Variants in PTPRD observed in about 807,000 individuals in gnomAD.
The protein encoded by PTPRD is receptor-type tyrosine-protein phosphatase delta.
PTPRD carries 34 observed loss-of-function variants against 214.5 expected under a neutral mutation model. The observed-to-expected ratio is 0.16, with a 90% CI of 0.12 to 0.21. The LOEUF (loss-of-function observed/expected upper bound fraction) is 0.21. Among genes scored for constraint, PTPRD ranks in the 10% least tolerant of loss-of-function variants. PTPRD has a pLI of 1.00. For synonymous variants in PTPRD, 1,128 were observed against 845.7 expected, an observed-to-expected ratio of 1.33 and a Z score of -5.79; for missense variants, 2,545 against 2,398.7, an observed-to-expected ratio of 1.06 and a Z score of -1.27.
chr9:10,259,381 G>A (rs1292551947), intron 3 of PTPRD, among the ~76,000 whole-genome samples: 2 of 152,092 alleles, frequency 1.3e-5, no homozygotes, highest in Non-Finnish European at 2.9e-5. Flanking sequence ...CCAATATGTG[G>A]TCATCATTTG....
At chr9:8,526,486 C>T (rs1258808961) in intron 17 of PTPRD, 141 bp downstream of exon 17, 1 of 518,168 alleles carries the variant, frequency 1.9e-6, no homozygotes, top group Non-Finnish European at 3.3e-6. Context: ...AGTCACTGAT[C>T]ATAACCAAAC....
chr9:8,486,752 C>T (rs190290239), intron 27 of PTPRD, among the ~76,000 whole-genome samples: 220 of 152,072 alleles, frequency 1.4e-3, no homozygotes, highest in African/African-American at 4.9e-3. Flanking sequence ...TGCAATGTAC[C>T]GGCGTCACGC....
intron 12 of PTPRD, among the ~76,000 whole-genome samples, chr9:8,671,677 G>C (rs2154363768): frequency 6.6e-6 from 1 of 152,190 alleles, no homozygotes; most frequent in East Asian, 1.9e-4. Flanking sequence ...CATTTAAAGA[G>C]GCATAGACCT....
chr9:10,223,459 G>C (rs1244333454), intron 3 of PTPRD, among the ~76,000 whole-genome samples: 1 of 151,854 alleles, frequency 6.6e-6, no homozygotes, highest in Non-Finnish European at 1.5e-5. Context: ...GAGGCCAGGA[G>C]TTAGGACCAG....
intron 3 of PTPRD, among the ~76,000 whole-genome samples, chr9:10,145,858 T>C (rs997300894): frequency 6.6e-6 from 1 of 151,998 alleles, no homozygotes; most frequent in Admixed American, 6.6e-5. Flanking sequence ...AATGGCAAAA[T>C]GAAAATTATT....
chr9:10,358,833 A>G (rs372826717), intron 2 of PTPRD, among the ~76,000 whole-genome samples: 3 of 152,136 alleles, frequency 2.0e-5, no homozygotes, highest in African/African-American at 7.2e-5. Flanking sequence ...AGCTTCACTA[A>G]GTAATGCATA....
Position 8,315,721 on chromosome 9 carries a change from A to G in PTPRD, c.*2153T>C. 1 of 228,558 alleles carries G rather than the reference A, an allele frequency of 4.4e-6. No individual in the cohort carries two copies. 14.2% of individuals were successfully genotyped at this position (228,558 alleles called of 1,614,324 possible). A position where few individuals can be genotyped will look rare whatever the true frequency, so the allele number is the denominator to read the frequency against. ...GCAAATGTTTGGTCTCTTGGATTTCACTCTGCTAGCAATGGGAAAATGTGG... is the reference window on the plus strand; with the variant it reads ...GCAAATGTTTGGTCTCTTGGATTTCGCTCTGCTAGCAATGGGAAAATGTGG... On this transcript the variant is annotated 3_prime_UTR_variant, in exon 46 of 46. Transcript: ENST00000381196.
chr9:9,295,849 G>A (rs1952818229), intron 9 of PTPRD, among the ~76,000 whole-genome samples: 1 of 151,820 alleles, frequency 6.6e-6, no homozygotes, highest in Non-Finnish European at 1.5e-5. Context: ...CAGAGGCAAC[G>A]CCTCTCTCTA....
At chr9:9,812,159 T>A (rs2047348788) in intron 5 of PTPRD, among the ~76,000 whole-genome samples, 1 of 152,188 alleles carries the variant, frequency 6.6e-6, no homozygotes, top group South Asian at 2.1e-4. Context: ...ACATATGCTA[T>A]TTCACACTTC....
intron 7 of PTPRD, among the ~76,000 whole-genome samples, chr9:9,680,006 T>C (rs943874639): frequency 6.6e-6 from 1 of 151,936 alleles, no homozygotes; most frequent in African/African-American, 2.4e-5. Context: ...TTTATTCCTG[T>C]AGAGAACAAT....
chr9:8,680,976 G>C (rs1231787676), intron 12 of PTPRD, among the ~76,000 whole-genome samples: 4 of 152,140 alleles, frequency 2.6e-5, no homozygotes, highest in Non-Finnish European at 4.4e-5. Flanking sequence ...AGAGGAGAAA[G>C]AACACATTTT....
chr9:8,757,369 G>T (rs1000611057), intron 11 of PTPRD, among the ~76,000 whole-genome samples: 1 of 151,936 alleles, frequency 6.6e-6, no homozygotes, highest in Non-Finnish European at 1.5e-5. Flanking sequence ...AGTAAAAAGC[G>T]TATCAATAAT....
intron 2 of PTPRD, among the ~76,000 whole-genome samples, chr9:10,427,852 T>C (rs2098638090): frequency 1.3e-5 from 2 of 152,094 alleles, no homozygotes; most frequent in Non-Finnish European, 2.9e-5. Flanking sequence ...TTATGTATTT[T>C]AAACCCACTT....
chr9:9,497,788 G>C (rs1228376363), intron 8 of PTPRD, among the ~76,000 whole-genome samples: 4 of 152,042 alleles, frequency 2.6e-5, no homozygotes, highest in East Asian at 1.9e-4. Context: ...TATCATAATA[G>C]CAGTAAAGTT....
intron 2 of PTPRD, among the ~76,000 whole-genome samples, chr9:10,542,461 C>G (rs904538375): frequency 6.6e-6 from 1 of 152,138 alleles, no homozygotes; most frequent in Non-Finnish European, 1.5e-5. Context: ...TAATACCTTA[C>G]ATAGTTATAA....
chr9:8,802,657 T>C lies in PTPRD; in HGVS notation c.-103-68711A>G, dbSNP rs548842893. Among the ~76,000 whole-genome samples the C allele has an allele frequency of 3.0e-4, 45 of 152,320 alleles. No homozygotes were observed. In the South Asian group the frequency reaches 5.6e-3, roughly 19 times the overall value. On this transcript the variant is annotated intron_variant, in intron 11 of 45. Coordinates refer to ENST00000381196, the MANE Select transcript of PTPRD (RefSeq NM_002839.4). ...GGTCAATTTGTAGATCCTAAGGCCA[T>C]ATGTTTTTATTCGGAAAAGGCCCTG...
intron 6 of PTPRD, among the ~76,000 whole-genome samples, chr9:9,748,011 G>A (rs1037517335): frequency 2.0e-5 from 3 of 152,140 alleles, no homozygotes; most frequent in East Asian, 3.9e-4. Context: ...TAGATCACGT[G>A]GAGATCACAG....
chr9:8,428,344 C>T (rs1177912593), intron 35 of PTPRD, among the ~76,000 whole-genome samples: 3 of 152,198 alleles, frequency 2.0e-5, no homozygotes, highest in African/African-American at 4.8e-5. Flanking sequence ...TTTAGCCATT[C>T]ATCTTCCTCA....
intron 14 of PTPRD, among the ~76,000 whole-genome samples, chr9:8,561,776 G>T (rs1419113315): frequency 6.7e-6 from 1 of 150,194 alleles, no homozygotes; most frequent in Non-Finnish European, 1.5e-5. Context: ...CCATTCAGGA[G>T]CAGTGTTGGC....
Sources: allele counts gnomAD v4.1 joint callset (sites outside exome capture counted in the v4.1 genomes callset), GRCh38; gene constraint gnomAD v4.1.1; transcripts MANE v1.5; gene names NCBI Gene and HGNC (gene_info 2026-07-23, HGNC 2026-07-21).